CYB5R4: variants seen among roughly 807,000 people sequenced by gnomAD.
CYB5R4 encodes N-terminal cytochrome b5 and cytochrome b5 oxidoreductase domain-containing protein.
Under a neutral mutation model 70.2 loss-of-function variants are expected in CYB5R4, and 55 were observed. The observed-to-expected ratio is 0.78, with a 90% CI of 0.63 to 0.98. The LOEUF is 0.98. CYB5R4 is among the 50% of genes least tolerant of loss of function. The pLI is 0.00. For missense variants in CYB5R4, 562 were observed against 612.6 expected (o/e 0.92, Z 0.87); for synonymous variants, 197 against 199.5 (o/e 0.99, Z 0.11).
intron 3 of CYB5R4, among the ~76,000 whole-genome samples, chr6:83,908,697 A>C (rs1406138208): frequency 1.3e-5 from 2 of 152,154 alleles, no homozygotes; most frequent in African/African-American, 2.4e-5. Flanking sequence ...ATAGCATCAG[A>C]GCAAATGTCA....
intron 1 of CYB5R4, among the ~76,000 whole-genome samples, chr6:83,863,426 AT>A (rs1393687286): frequency 6.6e-6 from 1 of 152,212 alleles, no homozygotes; most frequent in East Asian, 1.9e-4. Flanking sequence ...CTTAGATAAG[AT>A]TGCTATCTAA....
intron 2 of CYB5R4, among the ~76,000 whole-genome samples, chr6:83,878,703 T>C (rs1043914909): frequency 6.6e-6 from 1 of 151,988 alleles, no homozygotes; most frequent in Non-Finnish European, 1.5e-5. Flanking sequence ...TAATAGAAAC[T>C]GTGGTATTTA....
intron 2 of CYB5R4, among the ~76,000 whole-genome samples, chr6:83,865,597 A>T (rs1261644382): frequency 6.6e-6 from 1 of 152,282 alleles, no homozygotes; most frequent in South Asian, 2.1e-4. Context: ...CTGTTTTTAT[A>T]TGGACCCTAA....
intron 3 of CYB5R4, among the ~76,000 whole-genome samples, chr6:83,895,142 T>A (rs1319063624): frequency 6.6e-6 from 1 of 152,184 alleles, no homozygotes; most frequent in Non-Finnish European, 1.5e-5. Context: ...TGGTATTTGC[T>A]TTCTCTCTGT....
At position 83,965,660 on chromosome 6, in the gene CYB5R4, G is replaced by C. The variant is rs537144503; in HGVS notation, c.*5782G>C. On this transcript the variant is annotated 3_prime_UTR_variant, in exon 16 of 16. Transcript: ENST00000369681. ...GGGGTACTGTTGGGAATGCATGATT[G>C]GTTTTGAAATGTGAGGACATAAGAT... 1 of 152,290 alleles carries C rather than the reference G, an allele frequency of 6.6e-6. No individual in the cohort carries two copies. Among genetic ancestry groups the C allele is most frequent in the Admixed American group, 6.5e-5 (1 of 15,302 alleles). The allele number at this position is 152,290 out of a possible 1,614,324, so 9.4% of individuals were successfully genotyped here.
chr6:83,963,887 A>C lies in CYB5R4; in HGVS notation c.*4009A>C, dbSNP rs2099473690. 2 of 158,704 alleles carry C rather than the reference A, an allele frequency of 1.3e-5. No individual in the cohort carries two copies. The highest frequency in any genetic ancestry group is 3.6e-4 in the South Asian group (2 of 5,550). 9.8% of individuals were successfully genotyped at this position (158,704 alleles called of 1,614,324 possible). A position where few individuals can be genotyped will look rare whatever the true frequency, so the allele number is the denominator to read the frequency against. On this transcript the variant is annotated 3_prime_UTR_variant, in exon 16 of 16. Transcript: ENST00000369681. ...TTGAATCATGGGGGCAGTTTCCCTC[A>C]TACTGTTCTCATGGTAGTGAATAAC...
At chr6:83,956,725 A>T (rs1461124046) in intron 15 of CYB5R4, among the ~76,000 whole-genome samples, 7 of 152,196 alleles carry the variant, frequency 4.6e-5, no homozygotes, top group Admixed American at 4.6e-4. Context: ...AAGACATGGC[A>T]AAGAAACATG....
At chr6:83,882,849 C>T (rs1370419312) in intron 2 of CYB5R4, among the ~76,000 whole-genome samples, 3 of 151,998 alleles carry the variant, frequency 2.0e-5, no homozygotes, top group East Asian at 3.9e-4. Context: ...TAGACCATGC[C>T]TATAGTCTGA....
intron 14 of CYB5R4, among the ~76,000 whole-genome samples, 170 bp from the exon 15 acceptor site, chr6:83,955,128 T>C (rs1257898432): frequency 2.0e-5 from 3 of 152,302 alleles, no homozygotes; most frequent in Middle Eastern, 6.8e-3. Context: ...TAGATTTACC[T>C]ATACGTTTTT....
At chr6:83,898,201 C>T (rs1475560208) in intron 3 of CYB5R4, among the ~76,000 whole-genome samples, 2 of 152,142 alleles carry the variant, frequency 1.3e-5, no homozygotes, top group Non-Finnish European at 1.5e-5. Flanking sequence ...GTTTTCCCAG[C>T]ACCATTTATT....
chr6:83,890,565 G>A (rs963892175), intron 2 of CYB5R4, among the ~76,000 whole-genome samples: 2 of 152,150 alleles, frequency 1.3e-5, no homozygotes, highest in African/African-American at 4.8e-5. Flanking sequence ...CATACACTTA[G>A]TTCGTAAAAC....
At chr6:83,925,240 AG>A (rs1177739864) in intron 10 of CYB5R4, among the ~76,000 whole-genome samples, 6 of 152,108 alleles carry the variant, frequency 3.9e-5, no homozygotes, top group African/African-American at 1.4e-4. Context: ...GAGATGGGGG[AG>A]GTGCTACACA....
chr6:83,881,807 G>A (rs909451934), intron 2 of CYB5R4, among the ~76,000 whole-genome samples: 5 of 152,060 alleles, frequency 3.3e-5, no homozygotes, highest in East Asian at 3.9e-4. Context: ...CTTTTAATTC[G>A]GAAGTCCTAA....
chr6:83,944,881 G>T (rs906108580), intron 14 of CYB5R4, among the ~76,000 whole-genome samples: 1 of 152,130 alleles, frequency 6.6e-6, no homozygotes, highest in African/African-American at 2.4e-5. Flanking sequence ...AGAGCTAACT[G>T]TCCTAAATAT....
chr6:83,935,449 T>C lies in CYB5R4; in HGVS notation c.955+714T>C, dbSNP rs61756893. 4.2e-3 allele frequency among the ~76,000 whole-genome samples: 633 copies of C among 152,280 alleles called. 5 individuals carry two copies. The highest frequency in any genetic ancestry group is 0.015 in the African/African-American group (604 of 41,578). Reference sequence around the variant, plus strand: ...TCACTAATGGCTGGTTTTCTCTTTTTCATCACTAATGCCTGGTTACCTAAT... The same window carrying C: ...TCACTAATGGCTGGTTTTCTCTTTTCCATCACTAATGCCTGGTTACCTAAT... On this transcript the variant is annotated intron_variant, in intron 11 of 15. Coordinates refer to ENST00000369681, the MANE Select transcript of CYB5R4 (RefSeq NM_016230.4).
intron 3 of CYB5R4, 106 bp downstream of exon 3, chr6:83,893,728 C>A: frequency 1.6e-6 from 1 of 609,990 alleles, no homozygotes; most frequent in Non-Finnish European, 2.8e-6. Context: ...ATTCCAGATG[C>A]ATTGGCTTGA....
At chr6:83,919,555 A>G (rs2099466037) in intron 7 of CYB5R4, 101 bp downstream of exon 7, 3 of 527,522 alleles carry the variant, frequency 5.7e-6, no homozygotes, top group South Asian at 3.0e-5. Flanking sequence ...ACTTCTCACT[A>G]TAATTCTTTG....
chr6:83,924,295 G>A (rs1160853309), intron 9 of CYB5R4, among the ~76,000 whole-genome samples, 175 bp from the exon 10 acceptor site: 1 of 151,690 alleles, frequency 6.6e-6, no homozygotes, highest in Non-Finnish European at 1.5e-5. Flanking sequence ...AAGCATATAA[G>A]GATAAACAAT....
At position 83,964,010 on chromosome 6, in the gene CYB5R4, C is replaced by A; in HGVS notation, c.*4132C>A. ...TGTAAGAAGTGCCTTTCACCTCCTG[C>A]CATGATTCTGAGGCCTCCCCAGCCA... On this transcript the variant is annotated 3_prime_UTR_variant, in exon 16 of 16. Transcript: ENST00000369681. 1 of 231,712 alleles carries A rather than the reference C, an allele frequency of 4.3e-6. No individual in the cohort carries two copies. The highest frequency in any genetic ancestry group is 7.3e-5 in the South Asian group (1 of 13,726). 14.4% of individuals were successfully genotyped at this position (231,712 alleles called of 1,614,324 possible).
Sources: gnomAD v4.1 joint callset for allele counts (sites outside exome capture counted in the v4.1 genomes callset) on GRCh38, gnomAD v4.1.1 for gene constraint, MANE v1.5 for transcripts, NCBI Gene and HGNC (gene_info 2026-07-23, HGNC 2026-07-21) for gene names.